Variants in XPO5 observed in about 807,000 individuals in gnomAD.
XPO5 encodes exportin-5.
A neutral mutation model predicts 160.6 loss-of-function variants in XPO5; 46 were observed. The ratio of observed to expected loss-of-function variants is 0.29; its 90% confidence interval spans 0.23 to 0.37. The LOEUF is 0.37. Ranked by LOEUF, XPO5 falls within the 10% of genes least tolerant of loss-of-function variation. XPO5 has a pLI of 1.00. For synonymous variants in XPO5, 537 were observed against 519.3 expected (o/e 1.03, Z -0.46); for missense variants, 1,090 against 1,463.9 (o/e 0.74, Z 4.17).
chr6:43,560,160 T>G lies in XPO5; in HGVS notation c.1221+18A>C. 1 of 1,610,668 alleles carries G rather than the reference T, an allele frequency of 6.2e-7. No homozygotes were observed. On this transcript the variant is annotated intron_variant, in intron 11 of 31. Transcript: ENST00000265351. ...TGTATTCACCTACATTCCACATGTT[T>G]AGATTCCCATTATATACCTTGACCA...
chr6:43,571,012 A>G lies in XPO5; in HGVS notation c.301-18T>C, dbSNP rs748804002. 3 of 1,604,496 alleles carry G rather than the reference A, an allele frequency of 1.9e-6. No individual in the cohort carries two copies. Among genetic ancestry groups the G allele is most frequent in the East Asian group, 2.2e-5 (1 of 44,730 alleles). ...AATGTTCCCTGAAAAAGAACAAGAG[A>G]TATTAAGAGATATGCAAGACTGGAT... On this transcript the variant is annotated intron_variant, in intron 3 of 31. Transcript: ENST00000265351.
chr6:43,559,493 T>C (rs1158279485), intron 11 of XPO5, among the ~76,000 whole-genome samples: 1 of 152,208 alleles, frequency 6.6e-6, no homozygotes, highest in Non-Finnish European at 1.5e-5. Flanking sequence ...CCACTCTCAC[T>C]CCCCTCATTT....
At chr6:43,555,663 C>T (rs1762041053) in intron 13 of XPO5, 173 bp downstream of exon 13, 1 of 652,424 alleles carries the variant, frequency 1.5e-6, no homozygotes, top group African/African-American at 1.8e-5. Context: ...AATGTGTCAT[C>T]TGCTTTCTTT....
intron 1 of XPO5, among the ~76,000 whole-genome samples, chr6:43,575,454 G>A (rs1268755698): frequency 6.6e-6 from 1 of 152,196 alleles, no homozygotes; most frequent in East Asian, 1.9e-4. Flanking sequence ...AATGGGCGAG[G>A]GTCATGTTGC....
chr6:43,527,984 A>G (rs1793707473), intron 25 of XPO5, among the ~76,000 whole-genome samples, 175 bp downstream of exon 25: 1 of 152,244 alleles, frequency 6.6e-6, no homozygotes, highest in South Asian at 2.1e-4. Context: ...TGGATCTCAG[A>G]GTCTGCCTGC....
At chr6:43,551,189 G>T in intron 15 of XPO5, 109 bp downstream of exon 15, 1 of 1,193,178 alleles carries the variant, frequency 8.4e-7, no homozygotes, top group South Asian at 2.0e-5. Context: ...CTAGTAATTT[G>T]AGTCCAGCCT....
Position 43,572,500 on chromosome 6 carries a change from C to T in XPO5, c.300+6G>A, listed in dbSNP as rs2127757976. On this transcript the variant is annotated splice_donor_region_variant and intron_variant, in intron 3 of 31. Transcript: ENST00000265351. ...GAAACATGTCTCCCAACCACCCATT[C>T]CTTACATTTGCAATCAGCTCCATGA... The T allele has an allele frequency of 1.2e-6, 2 of 1,613,870 alleles. No homozygotes were observed. The highest frequency in any genetic ancestry group is 1.3e-5 in the African/African-American group (1 of 75,022).
At chr6:43,567,107 T>C in intron 7 of XPO5, 62 bp downstream of exon 7, 1 of 1,490,126 alleles carries the variant, frequency 6.7e-7, no homozygotes. Flanking sequence ...CAACATGCAA[T>C]TAAACACATA....
intron 24 of XPO5, among the ~76,000 whole-genome samples, 160 bp from the exon 25 acceptor site, chr6:43,528,365 T>G (rs1478937869): frequency 6.6e-6 from 1 of 152,074 alleles, no homozygotes; most frequent in African/African-American, 2.4e-5. Flanking sequence ...AAAAAAAACA[T>G]CTATGGTTTC....
rs370742317 is a variant in XPO5 at position 43,534,752 on chromosome 6, C to T, written c.2343-745G>A. ...GTGGCTCACGCCTATAATCCCAGTA[C>T]TTTGGGAGGCCGAGGCTGGCGAATT... On this transcript the variant is annotated intron_variant, in intron 20 of 31. Transcript: ENST00000265351. 2.6e-5 allele frequency among the ~76,000 whole-genome samples: 4 copies of T among 152,336 alleles called. No individual in the cohort carries two copies. The East Asian group carries it at 5.8e-4, about 22-fold the overall frequency.
intron 25 of XPO5, 119 bp from the exon 26 acceptor site, chr6:43,527,850 G>A: frequency 9.4e-7 from 1 of 1,067,522 alleles, no homozygotes; most frequent in Non-Finnish European, 1.4e-6. Flanking sequence ...TTCGTTTTAT[G>A]CAAAAGTTGG....
chr6:43,531,237 A>G (rs1362904301), intron 22 of XPO5, among the ~76,000 whole-genome samples: 3 of 140,186 alleles, frequency 2.1e-5, no homozygotes, highest in East Asian at 1.9e-4. Context: ...CATTTTATAC[A>G]CTAGAAACAC....
intron 1 of XPO5, among the ~76,000 whole-genome samples, chr6:43,575,349 T>G (rs1232298928): frequency 2.0e-5 from 3 of 151,940 alleles, no homozygotes; most frequent in South Asian, 2.1e-4. Flanking sequence ...AAACGTTTAG[T>G]GCAGGAGAGA....
rs1285983696 is a variant in XPO5 at position 43,575,885 on chromosome 6, A to T, written c.-21T>A. 3 of 1,612,092 alleles carry T rather than the reference A, an allele frequency of 1.9e-6. No homozygotes were observed. The highest frequency in any genetic ancestry group is 2.5e-6 in the Non-Finnish European group (3 of 1,178,736). The stretch of plus-strand genomic sequence containing the variant: ...GCCATGCCTAGCGCCACGCGCCGAG[A>T]GCGCACACCACTGCAGTCCCGGGAC... On this transcript the variant is annotated 5_prime_UTR_variant, in exon 1 of 32. Transcript: ENST00000265351.
intron 21 of XPO5, chr6:43,533,607 T>G (rs1003437660): frequency 1.4e-5 from 3 of 216,798 alleles, no homozygotes; most frequent in African/African-American, 6.8e-5. Flanking sequence ...AAGGCCATGG[T>G]GGGAGGACTG....
intron 8 of XPO5, among the ~76,000 whole-genome samples, chr6:43,564,442 T>C (rs1452793385): frequency 6.6e-6 from 1 of 151,744 alleles, no homozygotes; most frequent in Non-Finnish European, 1.5e-5. Context: ...GGCAGGAGAA[T>C]CGCTTGAACC....
At position 43,524,516 on chromosome 6, in the gene XPO5, C is replaced by G; in HGVS notation, c.3432G>C (p.Lys1144Asn). The change falls in exon 31 of 32, where the codon AAG (lysine) becomes AAC (asparagine). Residue 1144 changes from lysine to asparagine, a missense_variant. Physicochemically the swap from Lys to Asn is moderately conservative, Grantham distance 94 (BLOSUM62 0). Coordinates refer to ENST00000265351, the MANE Select transcript of XPO5 (RefSeq NM_020750.3). ...LNPSLQKVAD[K>N]RRKDQFKRLI... is the part of the protein sequence containing the mutation. The stretch of plus-strand genomic sequence containing the variant: ...GGCGTTTGAATTGGTCCTTTCGGCG[C>G]TTGTCAGCCACTTTCTGCAGGGAGG... 6.2e-7 allele frequency: 1 copy of G among 1,613,984 alleles called. No individual in the cohort carries two copies. The highest frequency in any genetic ancestry group is 8.5e-7 in the Non-Finnish European group (1 of 1,179,896).
Position 43,570,311 on chromosome 6 carries a change from C to CAA in XPO5, c.621+189_621+190dup, listed in dbSNP as rs70990200. Among the ~76,000 whole-genome samples the CAA allele has an allele frequency of 6.5e-3, 498 of 76,976 alleles. 6 individuals are homozygous for CAA. The highest frequency in any genetic ancestry group is 0.017 in the African/African-American group (382 of 22,024). The allele number at this position is 76,976 out of a possible 152,430, so 50.5% of individuals were successfully genotyped here. ...TAGGTGACAGAGCGAGCCTCCGTCT[C>CAA]AAAAAAAAAAAAAAAAAAAAAAGAA... On this transcript the variant is annotated intron_variant, in intron 5 of 31. Transcript: ENST00000265351.
At position 43,524,103 on chromosome 6, in the gene XPO5, C is replaced by T. The variant is rs911375529; in HGVS notation, c.3478-98G>A. 7.3e-6 allele frequency: 11 copies of T among 1,500,422 alleles called. No homozygotes were observed. The African/African-American group carries it at 1.3e-4, about 17-fold the overall frequency. The allele number at this position is 1,500,422 out of a possible 1,614,324, so 92.9% of individuals were successfully genotyped here. A position where few individuals can be genotyped will look rare whatever the true frequency, so the allele number is the denominator to read the frequency against. On this transcript the variant is annotated intron_variant, in intron 31 of 31. Coordinates refer to ENST00000265351, the MANE Select transcript of XPO5 (RefSeq NM_020750.3). The stretch of plus-strand genomic sequence containing the variant: ...CAGTGGCTCGCGCCTGTAATCCCAA[C>T]ACTTTTGGGAGGCCAAGGCGGGTGG...
Sources: gnomAD v4.1 joint callset for allele counts (sites outside exome capture counted in the v4.1 genomes callset) on GRCh38, gnomAD v4.1.1 for gene constraint, MANE v1.5 for transcripts, NCBI Gene and HGNC (gene_info 2026-07-23, HGNC 2026-07-21) for gene names.